Variants in HSF5 observed in about 807,000 individuals in gnomAD.
HSF5 encodes heat shock transcription factor 5, also known as heat shock factor protein 5.
A neutral mutation model predicts 50.8 loss-of-function variants in HSF5; 5 were observed. The observed-to-expected ratio is 0.10, with a 90% confidence interval of 0.05 to 0.21. HSF5 has a LOEUF of 0.21. Among genes scored for constraint, HSF5 ranks in the 10% least tolerant of loss-of-function variants. HSF5 has a pLI of 1.00. For missense variants in HSF5, 564 were observed against 762.6 expected, an observed-to-expected ratio of 0.74 and a Z score of 3.07; for synonymous variants, 307 against 307.4, an observed-to-expected ratio of 1.00 and a Z score of 0.02.
chr17:58,424,292 T>C (rs757902127), intron 5 of HSF5, among the ~76,000 whole-genome samples: 1 of 152,174 alleles, frequency 6.6e-6, no homozygotes, highest in Non-Finnish European at 1.5e-5. Context: ...TATACACATA[T>C]AACGGAATGT....
intron 5 of HSF5, among the ~76,000 whole-genome samples, chr17:58,432,281 G>A (rs182295579): frequency 6.6e-6 from 1 of 152,132 alleles, no homozygotes; most frequent in East Asian, 1.9e-4. Context: ...TAGAAAGAGT[G>A]GGGGTGGGAA....
intron 5 of HSF5, among the ~76,000 whole-genome samples, chr17:58,434,781 A>G (rs1226572907): frequency 6.6e-6 from 1 of 152,172 alleles, no homozygotes; most frequent in Non-Finnish European, 1.5e-5. Context: ...TTGAGCCGGG[A>G]AGTCGAGGTT....
At chr17:58,472,366 C>T (rs1298645530) in intron 2 of HSF5, among the ~76,000 whole-genome samples, 1 of 152,046 alleles carries the variant, frequency 6.6e-6, no homozygotes, top group Non-Finnish European at 1.5e-5. Context: ...GTCCTAGCTA[C>T]CTGGGAAGCT....
intron 2 of HSF5, among the ~76,000 whole-genome samples, chr17:58,475,021 G>T (rs1269675665): frequency 1.3e-5 from 2 of 152,084 alleles, no homozygotes; most frequent in African/African-American, 2.4e-5. Flanking sequence ...TAGGCAAAAT[G>T]ATTAAAAGTC....
At chr17:58,473,659 A>C (rs1302151128) in intron 2 of HSF5, among the ~76,000 whole-genome samples, 2 of 152,186 alleles carry the variant, frequency 1.3e-5, no homozygotes, top group African/African-American at 4.8e-5. Context: ...GAAAAACAAC[A>C]AATATAAAAA....
chr17:58,458,166 GT>G (rs1974739023), intron 5 of HSF5, among the ~76,000 whole-genome samples: 2 of 152,118 alleles, frequency 1.3e-5, no homozygotes, highest in African/African-American at 4.8e-5. Context: ...TGAGACACAT[GT>G]TTTATTAGAT....
chr17:58,434,212 C>A (rs1974398066), intron 5 of HSF5, among the ~76,000 whole-genome samples: 1 of 151,784 alleles, frequency 6.6e-6, no homozygotes, highest in Non-Finnish European at 1.5e-5. Context: ...TGTGCCTGGC[C>A]CAAAGGGATT....
rs1974218640 is a variant in HSF5, at chr17:58,420,677, C to T, written c.*1683G>A. 6.6e-6 allele frequency: 1 copy of T among 152,170 alleles called. No homozygotes were observed. The highest frequency in any genetic ancestry group is 2.4e-5 in the African/African-American group (1 of 41,434). The allele number at this position is 152,170 out of a possible 1,614,324, so 9.4% of individuals were successfully genotyped here. ...ATACTCTGACAAAATATTATATAGT[C>T]TGGCCAAAAGATATAGGTGTCTTGA... On this transcript the variant is annotated 3_prime_UTR_variant, in exon 6 of 6. Coordinates refer to ENST00000323777, the MANE Select transcript of HSF5 (RefSeq NM_001080439.3).
chr17:58,460,572 C>T (rs1243517488), intron 4 of HSF5, among the ~76,000 whole-genome samples: 8 of 151,090 alleles, frequency 5.3e-5, no homozygotes, highest in South Asian at 2.1e-4. Flanking sequence ...TGCAGTGGCG[C>T]GATCTCAGCT....
intron 2 of HSF5, among the ~76,000 whole-genome samples, chr17:58,471,638 C>T (rs1180647625): frequency 1.4e-5 from 2 of 139,318 alleles, no homozygotes; most frequent in East Asian, 2.1e-4. Context: ...TTTTTTGAGA[C>T]ACAATCTTGC....
intron 5 of HSF5, among the ~76,000 whole-genome samples, chr17:58,458,487 C>T (rs1974743857): frequency 6.6e-6 from 1 of 152,148 alleles, no homozygotes; most frequent in Non-Finnish European, 1.5e-5. Flanking sequence ...TCCTTGCCTT[C>T]TCCAAGTTAA....
chr17:58,438,221 A>G (rs1332342905), intron 5 of HSF5, among the ~76,000 whole-genome samples: 1 of 152,186 alleles, frequency 6.6e-6, no homozygotes, highest in Non-Finnish European at 1.5e-5. Context: ...CTATGTTTAG[A>G]TACACAAATA....
chr17:58,445,165 A>C (rs912212679), intron 5 of HSF5, among the ~76,000 whole-genome samples: 3 of 152,242 alleles, frequency 2.0e-5, no homozygotes, highest in Admixed American at 6.5e-5. Context: ...TGGTGGGATT[A>C]TAAAATAGTA....
rs534799736 is a variant in HSF5 at position 58,421,437 on chromosome 17, A to T, written c.*923T>A. The T allele has an allele frequency of 6.5e-6, 1 of 152,672 alleles. No individual in the cohort carries two copies. Among genetic ancestry groups the T allele is most frequent in the African/African-American group, 2.4e-5 (1 of 41,564 alleles). The allele number at this position is 152,672 out of a possible 1,614,324, so 9.5% of individuals were successfully genotyped here. On this transcript the variant is annotated 3_prime_UTR_variant, in exon 6 of 6. Coordinates refer to ENST00000323777, the MANE Select transcript of HSF5 (RefSeq NM_001080439.3). ...TCTAAAATAAGAAAATAGTATATTA[A>T]ATCTCTTAATGTTTTTGTTCACACA...
chr17:58,452,907 T>C (rs550319474), intron 5 of HSF5, among the ~76,000 whole-genome samples: 15 of 152,088 alleles, frequency 9.9e-5, no homozygotes, highest in Non-Finnish European at 1.9e-4. Flanking sequence ...TGGTGTTGCA[T>C]GCCTGTGGTC....
intron 2 of HSF5, among the ~76,000 whole-genome samples, chr17:58,471,464 T>C (rs1974942204): frequency 6.6e-6 from 1 of 152,208 alleles, no homozygotes; most frequent in Non-Finnish European, 1.5e-5. Flanking sequence ...AGATCACACC[T>C]ATAGAATTTA....
intron 3 of HSF5, 24 bp downstream of exon 3, chr17:58,466,861 T>C (rs1198640191): frequency 2.8e-6 from 4 of 1,421,220 alleles, no homozygotes; most frequent in African/African-American, 1.4e-5. Flanking sequence ...GCGCGGAGCA[T>C]GGCCACAGTT....
At chr17:58,439,126 CA>C (rs56097061) in intron 5 of HSF5, among the ~76,000 whole-genome samples, 2,046 of 144,400 alleles carry the variant, frequency 0.014, 90 homozygotes, top group Admixed American at 0.087. Flanking sequence ...GACCCTGCCT[CA>C]AAAAAAAAAT....
chr17:58,435,216 T>C (rs992503711), intron 5 of HSF5, among the ~76,000 whole-genome samples: 2 of 152,146 alleles, frequency 1.3e-5, no homozygotes, highest in Non-Finnish European at 2.9e-5. Flanking sequence ...TAGAAAATAT[T>C]ATAGGACTGC....
Sources: allele counts gnomAD v4.1 joint callset (sites outside exome capture counted in the v4.1 genomes callset), GRCh38; gene constraint gnomAD v4.1.1; transcripts MANE v1.5; gene names NCBI Gene and HGNC (gene_info 2026-07-23, HGNC 2026-07-21).